SOX5: variants seen among roughly 807,000 people sequenced by gnomAD.
The protein encoded by SOX5 is transcription factor SOX-5.
SOX5 carries 9 observed loss-of-function variants against 92.0 expected under a neutral mutation model. That is an observed-to-expected ratio of 0.10 (90% CI 0.06 to 0.17). SOX5 has a LOEUF of 0.17. Among genes scored for constraint, SOX5 ranks in the 10% least tolerant of loss-of-function variants. The probability of loss-of-function intolerance (pLI) is 1.00; values close to 1 mark genes in which losing one functional copy is unlikely to be tolerated. For missense variants in SOX5, 642 were observed against 944.5 expected (o/e 0.68, Z 4.20); for synonymous variants, 344 against 336.3 (o/e 1.02, Z -0.25).
chr12:23,691,422 T>G (rs570304214), intron 6 of SOX5, among the ~76,000 whole-genome samples: 1 of 152,186 alleles, frequency 6.6e-6, no homozygotes, highest in African/African-American at 2.4e-5. Flanking sequence ...CTTTTCCTAC[T>G]ATCTGGAAGA....
chr12:24,186,184 C>T (rs192127112), intron 4 of SOX5, among the ~76,000 whole-genome samples: 267 of 151,952 alleles, frequency 1.8e-3, no homozygotes, highest in African/African-American at 6.3e-3. Flanking sequence ...ACAAAACCAA[C>T]AAAAAAACAA....
At chr12:24,017,939 G>A (rs1953848011) in intron 4 of SOX5, among the ~76,000 whole-genome samples, 1 of 152,120 alleles carries the variant, frequency 6.6e-6, no homozygotes, top group South Asian at 2.1e-4. Flanking sequence ...CCCCGTTTGA[G>A]GTTAACCCCC....
At chr12:23,916,824 T>C (rs1367908008) in intron 1 of SOX5, among the ~76,000 whole-genome samples, 1 of 152,176 alleles carries the variant, frequency 6.6e-6, no homozygotes, top group African/African-American at 2.4e-5. Flanking sequence ...AAGTCTAGGT[T>C]TTAAATATTT....
At chr12:24,310,973 A>G (rs983752835) in intron 2 of SOX5, among the ~76,000 whole-genome samples, 2 of 152,214 alleles carry the variant, frequency 1.3e-5, no homozygotes, top group African/African-American at 4.8e-5. Context: ...CTTAGAACAC[A>G]ATAACCCAAA....
chr12:24,331,284 T>A (rs548227502), intron 2 of SOX5: 13 of 152,362 alleles, frequency 8.5e-5, no homozygotes, highest in Non-Finnish European at 1.5e-4. Context: ...CACCTGCTAT[T>A]TTTAGCTCAA....
At chr12:23,828,645 T>C (rs997117875) in intron 3 of SOX5, among the ~76,000 whole-genome samples, 1 of 152,074 alleles carries the variant, frequency 6.6e-6, no homozygotes, top group Non-Finnish European at 1.5e-5. Flanking sequence ...AACTCATATA[T>C]ATGCAGTTAT....
intron 4 of SOX5, among the ~76,000 whole-genome samples, chr12:23,961,654 A>T (rs892689775): frequency 1.1e-4 from 17 of 152,218 alleles, no homozygotes; most frequent in African/African-American, 3.6e-4. Flanking sequence ...CACCCAGTAG[A>T]ACATAAATTC....
chr12:24,017,423 C>G (rs1706693533), intron 4 of SOX5, among the ~76,000 whole-genome samples: 1 of 151,934 alleles, frequency 6.6e-6, no homozygotes, highest in Non-Finnish European at 1.5e-5. Context: ...TGGTGAAACC[C>G]CCATCTCTAC....
intron 4 of SOX5, among the ~76,000 whole-genome samples, chr12:23,970,935 G>C (rs1015995159): frequency 3.4e-4 from 48 of 142,490 alleles, no homozygotes; most frequent in African/African-American, 1.2e-3. Context: ...GATTACAGGT[G>C]CATGCCAGCA....
At chr12:24,172,291 C>A (rs1229595960) in intron 4 of SOX5, among the ~76,000 whole-genome samples, 2 of 152,058 alleles carry the variant, frequency 1.3e-5, no homozygotes, top group African/African-American at 2.4e-5. Context: ...AATCCCAGCA[C>A]TTTGGGAGGC....
chr12:23,679,467 A>G (rs773874320), intron 6 of SOX5, among the ~76,000 whole-genome samples: 4 of 152,164 alleles, frequency 2.6e-5, no homozygotes, highest in Non-Finnish European at 5.9e-5. Flanking sequence ...AGTTCTAACT[A>G]CTTGAAATAC....
chr12:23,659,127 C>T (rs1039909930), intron 7 of SOX5, among the ~76,000 whole-genome samples: 4 of 152,026 alleles, frequency 2.6e-5, no homozygotes, highest in East Asian at 1.9e-4. Flanking sequence ...TAGCTGACAC[C>T]GTTAAATCAG....
chr12:24,004,270 T>C (rs185810820), intron 4 of SOX5, among the ~76,000 whole-genome samples: 1 of 146,218 alleles, frequency 6.8e-6, no homozygotes, highest in East Asian at 2.0e-4. Context: ...AAACAACTGA[T>C]AAACTGAATT....
intron 8 of SOX5, among the ~76,000 whole-genome samples, chr12:23,639,623 C>T (rs557457132): frequency 1.5e-4 from 23 of 152,148 alleles, no homozygotes; most frequent in Admixed American, 1.2e-3. Context: ...CAACACTTCC[C>T]AAGACATTTC....
intron 3 of SOX5, among the ~76,000 whole-genome samples, chr12:23,802,825 C>T (rs531764303): frequency 2.0e-5 from 3 of 152,170 alleles, no homozygotes; most frequent in African/African-American, 7.2e-5. Context: ...AATTTACCAT[C>T]TTATTGTGTC....
chr12:23,715,809 CAA>C (rs35450544), intron 6 of SOX5, among the ~76,000 whole-genome samples: 3 of 72,804 alleles, frequency 4.1e-5, no homozygotes, highest in African/African-American at 1.5e-4. Flanking sequence ...AGTAATTTCC[CAA>C]AAAAAAAAAA....
intron 2 of SOX5, among the ~76,000 whole-genome samples, chr12:23,855,784 G>T (rs565007298): frequency 1.1e-4 from 17 of 152,052 alleles, no homozygotes; most frequent in Admixed American, 1.0e-3. Context: ...ATTTCTCTGA[G>T]AATTATAAAA....
At chr12:23,714,738 T>C (rs907868600) in intron 6 of SOX5, among the ~76,000 whole-genome samples, 1 of 152,104 alleles carries the variant, frequency 6.6e-6, no homozygotes, top group African/African-American at 2.4e-5. Flanking sequence ...AAAAAGCCAA[T>C]GTAAAAAAAA....
chr12:23,723,581 T>TATATATATATAC (rs1491240128), intron 6 of SOX5, among the ~76,000 whole-genome samples: 10 of 131,842 alleles, frequency 7.6e-5, no homozygotes, highest in South Asian at 2.4e-4. Context: ...TATATATATA[T>TATATATATATAC]ACACACACAC....
Sources: gnomAD v4.1 joint callset for allele counts (sites outside exome capture counted in the v4.1 genomes callset) on GRCh38, gnomAD v4.1.1 for gene constraint, MANE v1.5 for transcripts, NCBI Gene and HGNC (gene_info 2026-07-23, HGNC 2026-07-21) for gene names.